Variants in PRDM16 observed in about 807,000 individuals in gnomAD.
PRDM16 encodes histone-lysine N-methyltransferase PRDM16.
Under a neutral mutation model 110.6 loss-of-function variants are expected in PRDM16, and 23 were observed. That is an observed-to-expected ratio of 0.21 (90% CI 0.15 to 0.29). The LOEUF is 0.29. Ranked by LOEUF, PRDM16 falls within the 10% of genes least tolerant of loss-of-function variation. The pLI, the probability that PRDM16 is intolerant of heterozygous loss-of-function variation, is 1.00. For synonymous variants in PRDM16, 799 were observed against 781.8 expected, an observed-to-expected ratio of 1.02 and a Z score of -0.37; for missense variants, 1,615 against 1,794.3, an observed-to-expected ratio of 0.90 and a Z score of 1.81.
intron 1 of PRDM16, among the ~76,000 whole-genome samples, chr1:3,180,821 GT>G (rs1239424251): frequency 6.6e-6 from 1 of 151,956 alleles, no homozygotes; most frequent in Non-Finnish European, 1.5e-5. Flanking sequence ...ACCTTTTCAG[GT>G]TCCCAACAGG....
intron 12 of PRDM16, among the ~76,000 whole-genome samples, chr1:3,422,004 G>T (rs1638447851): frequency 6.7e-6 from 1 of 149,324 alleles, no homozygotes; most frequent in Non-Finnish European, 1.5e-5. Context: ...AGACAGACAG[G>T]CAAACAGGCA....
At chr1:3,224,019 G>C (rs552282432) in intron 2 of PRDM16, among the ~76,000 whole-genome samples, 1 of 152,310 alleles carries the variant, frequency 6.6e-6, no homozygotes, top group African/African-American at 2.4e-5. Context: ...ACCGATCAGG[G>C]ATTTCTCTTC....
intron 2 of PRDM16, among the ~76,000 whole-genome samples, chr1:3,230,137 G>A (rs1461893945): frequency 2.0e-5 from 3 of 152,306 alleles, no homozygotes; most frequent in East Asian, 3.9e-4. Flanking sequence ...ATGCTTTCGG[G>A]CACCCAGTGT....
At chr1:3,409,834 G>GGTGTGTGGTGTATGTGCAT (rs1553175975) in intron 8 of PRDM16, among the ~76,000 whole-genome samples, 2 of 125,800 alleles carry the variant, frequency 1.6e-5, no homozygotes, top group Non-Finnish European at 3.3e-5. Context: ...GTTGTGTGTG[G>GGTGTGTGGTGTATGTGCAT]GTGTGTGGTG....
intron 3 of PRDM16, among the ~76,000 whole-genome samples, chr1:3,333,791 C>A (rs1437536147): frequency 6.6e-6 from 1 of 152,082 alleles, no homozygotes; most frequent in Non-Finnish European, 1.5e-5. Flanking sequence ...GTGAGTCCCC[C>A]CTCGGTTAGC....
At chr1:3,326,523 G>A (rs942092131) in intron 3 of PRDM16, among the ~76,000 whole-genome samples, 3 of 152,084 alleles carry the variant, frequency 2.0e-5, no homozygotes, top group African/African-American at 4.8e-5. Flanking sequence ...CCTGGAATCC[G>A]ACCTGGCCTG....
At chr1:3,430,121 C>A (rs910692839) in intron 14 of PRDM16, among the ~76,000 whole-genome samples, 2 of 152,222 alleles carry the variant, frequency 1.3e-5, no homozygotes, top group African/African-American at 4.8e-5. Context: ...TGGGGCCCAG[C>A]CCACCCAAGA....
intron 1 of PRDM16, among the ~76,000 whole-genome samples, chr1:3,165,192 GGGACTTACCTGGCCTCAGGGGCAT>G (rs879289626): frequency 0.041 from 6,149 of 151,698 alleles, 226 homozygotes; most frequent in East Asian, 0.17. Context: ...CCCAGGGACA[GGGACTTACCTGGCCTCAGGGGCAT>G]GGACTCACCT....
intron 1 of PRDM16, among the ~76,000 whole-genome samples, chr1:3,096,783 C>T (rs1394987857): frequency 6.6e-6 from 1 of 152,130 alleles, no homozygotes; most frequent in Non-Finnish European, 1.5e-5. Context: ...GTGCTGTGGC[C>T]CTCATCTTCC....
chr1:3,070,144 C>T (rs1641713558), intron 1 of PRDM16, among the ~76,000 whole-genome samples: 1 of 151,986 alleles, frequency 6.6e-6, no homozygotes, highest in Non-Finnish European at 1.5e-5. Flanking sequence ...TCTGTACCCG[C>T]TTGCCTGGCA....
At chr1:3,376,361 G>A (rs1164327622) in intron 3 of PRDM16, among the ~76,000 whole-genome samples, 3 of 152,194 alleles carry the variant, frequency 2.0e-5, no homozygotes, top group South Asian at 2.1e-4. Context: ...CCCCCCAGGC[G>A]TGGACTCCAC....
In PRDM16 at chr1:3,416,321, A is replaced by G. The variant is rs892691225; in HGVS notation, c.2692-1507A>G. 3.0e-4 allele frequency among the ~76,000 whole-genome samples: 46 copies of G among 152,126 alleles called. 1 individual carries two copies. The highest frequency in any genetic ancestry group is 1.1e-3 in the African/African-American group (46 of 41,418). ...AAAAGCTGAGTGCCAGATGCCCGGC[A>G]CTCGGACTCTGAGAGACCCCAGCCG... On this transcript the variant is annotated intron_variant, in intron 10 of 16. Coordinates refer to ENST00000270722, the MANE Select transcript of PRDM16 (RefSeq NM_022114.4).
intron 5 of PRDM16, among the ~76,000 whole-genome samples, chr1:3,399,284 T>C (rs1643430904): frequency 6.6e-6 from 1 of 152,134 alleles, no homozygotes; most frequent in Non-Finnish European, 1.5e-5. Context: ...GCCAGCCAGA[T>C]CGTGAGATCA....
In PRDM16 at chr1:3,412,215, C is replaced by T. The variant is rs1270179748; in HGVS notation, c.2018C>T (p.Ser673Leu). ...GTGCCTGTCTTCTATTCCCAGCACT[C>T]ATTCTTCCCGCCACCCGACGAGCAG... ...AEVPVFYSQH[S>L]FFPPPDEQLL... Residue 673 changes from serine to leucine, a missense_variant, in exon 9 of 17, where the codon TCA (serine) becomes TTA (leucine). Ser to Leu is a moderately radical substitution (Grantham distance 145). Around this residue, in one of 5 missense-constraint regions of PRDM16, gnomAD observed 772 missense variants for 748.3 expected, o/e 1.03. Transcript: ENST00000270722. 3 of 1,606,926 alleles carry T rather than the reference C, an allele frequency of 1.9e-6. No individual in the cohort carries two copies. In the African/African-American group the frequency reaches 4.0e-5, roughly 21 times the overall value.
Position 3,146,652 on chromosome 1 carries a change from TGC to T in PRDM16, c.38-39472_38-39471del, listed in dbSNP as rs1491473420. The stretch of plus-strand genomic sequence containing the variant: ...ATGTGCTTGGTATGGGGTGTGTGTG[TGC>T]ACGTGTGTGCTCAGTGTGGGGTGTG... On this transcript the variant is annotated intron_variant, in intron 1 of 16. Transcript: ENST00000270722. Among the ~76,000 whole-genome samples the T allele has an allele frequency of 2.2e-5, 3 of 137,938 alleles. 1 individual carries two copies. The highest frequency in any genetic ancestry group is 4.7e-5 in the Non-Finnish European group (3 of 64,426). The allele number at this position is 137,938 out of a possible 152,430, so 90.5% of individuals were successfully genotyped here.
At chr1:3,349,789 C>T (rs973899971) in intron 3 of PRDM16, among the ~76,000 whole-genome samples, 4 of 152,222 alleles carry the variant, frequency 2.6e-5, no homozygotes, top group Non-Finnish European at 5.9e-5. Context: ...TTCACAGAGG[C>T]CTGAGCTCTG....
intron 1 of PRDM16, among the ~76,000 whole-genome samples, chr1:3,181,728 A>AAG (rs1175898701): frequency 1.1e-5 from 1 of 90,256 alleles, no homozygotes; most frequent in South Asian, 3.8e-4. Context: ...AGTCTTACAC[A>AAG]CGGTCTTACA....
rs1638938532 is a variant in PRDM16, at chr1:3,213,134, C to T, written c.387+26660C>T. On this transcript the variant is annotated intron_variant, in intron 2 of 16. Transcript: ENST00000270722. This position sits in a 1 kb window ranked among gnomAD's most constrained non-coding sequence, Gnocchi z 5.3. Reference sequence around the variant, plus strand: ...CCCATCCTATGTGCTTGCAGCAACTCCTCTGCCAAAAAAGGAAATGCCACC... The same window carrying T: ...CCCATCCTATGTGCTTGCAGCAACTTCTCTGCCAAAAAAGGAAATGCCACC... Among the ~76,000 whole-genome samples the T allele has an allele frequency of 6.6e-6, 1 of 152,184 alleles. No individual in the cohort carries two copies. Among genetic ancestry groups the T allele is most frequent in the Non-Finnish European group, 1.5e-5 (1 of 68,034 alleles).
At chr1:3,137,267 T>C (rs968932307) in intron 1 of PRDM16, among the ~76,000 whole-genome samples, 11 of 152,182 alleles carry the variant, frequency 7.2e-5, no homozygotes, top group Non-Finnish European at 1.5e-4. Flanking sequence ...CACGCTGACC[T>C]GGCCGCCACC....
Sources: allele counts gnomAD v4.1 joint callset (sites outside exome capture counted in the v4.1 genomes callset), GRCh38; gene constraint gnomAD v4.1.1; regional missense constraint gnomAD v4.1.1; non-coding constraint Gnocchi (gnomAD v3.1); transcripts MANE v1.5; gene names NCBI Gene and HGNC (gene_info 2026-07-23, HGNC 2026-07-21).